Variants in USP10 observed in about 807,000 individuals in gnomAD.
USP10 encodes the protein ubiquitin carboxyl-terminal hydrolase 10.
In USP10, 22 loss-of-function variants were observed where a neutral mutation model predicts 84.5. That is an observed-to-expected ratio of 0.26 (90% CI 0.19 to 0.37). USP10 has a LOEUF of 0.37. Ranked by LOEUF, USP10 falls within the 10% of genes least tolerant of loss-of-function variation. The pLI, the probability that USP10 is intolerant of heterozygous loss-of-function variation, is 1.00. For synonymous variants in USP10, 454 were observed against 387.6 expected, an observed-to-expected ratio of 1.17 and a Z score of -2.01; for missense variants, 1,019 against 998.9, an observed-to-expected ratio of 1.02 and a Z score of -0.27.
intron 11 of USP10, among the ~76,000 whole-genome samples, chr16:84,771,364 T>C (rs1458886651): frequency 6.6e-6 from 1 of 151,936 alleles, no homozygotes; most frequent in East Asian, 1.9e-4. Context: ...CCAGCTGGGC[T>C]CATGGCTGTA....
chr16:84,700,024 A>C lies in USP10; in HGVS notation c.-67A>C. On this transcript the variant is annotated 5_prime_UTR_variant, in exon 1 of 14. The change abolishes an upstream ATG in the 5' untranslated region. Transcript: ENST00000219473. ...CGAGTGTGTATGTGCGGGCGAGAAGATGGCGGCGGCGGGGGAAGCAGCGTG... is the reference window on the plus strand; with the variant it reads ...CGAGTGTGTATGTGCGGGCGAGAAGCTGGCGGCGGCGGGGGAAGCAGCGTG... The C allele has an allele frequency of 1.5e-6, 2 of 1,326,184 alleles. No individual in the cohort carries two copies. The highest frequency in any genetic ancestry group is 2.0e-6 in the Non-Finnish European group (2 of 1,012,816). The allele number at this position is 1,326,184 out of a possible 1,614,324, so 82.2% of individuals were successfully genotyped here.
chr16:84,774,837 G>GT (rs907685259), intron 12 of USP10, among the ~76,000 whole-genome samples: 1 of 152,148 alleles, frequency 6.6e-6, no homozygotes, highest in African/African-American at 2.4e-5. Context: ...TTTCACAACT[G>GT]TTTTTGTTTT....
At chr16:84,725,496 G>C (rs1210991291) in intron 1 of USP10, among the ~76,000 whole-genome samples, 4 of 152,130 alleles carry the variant, frequency 2.6e-5, no homozygotes, top group Non-Finnish European at 5.9e-5. Context: ...TGCCTGCTGG[G>C]TTCAAGCAAT....
At chr16:84,726,268 G>A (rs1300808541) in intron 1 of USP10, among the ~76,000 whole-genome samples, 2 of 152,254 alleles carry the variant, frequency 1.3e-5, no homozygotes, top group African/African-American at 4.8e-5. Flanking sequence ...CGAAAGTGGC[G>A]TTTCCCGCAG....
chr16:84,701,714 A>C (rs1033412468), intron 1 of USP10, among the ~76,000 whole-genome samples: 8 of 152,196 alleles, frequency 5.3e-5, no homozygotes, highest in Non-Finnish European at 1.2e-4. Flanking sequence ...ATGTAAACTT[A>C]ATTGTAATTT....
intron 10 of USP10, 48 bp downstream of exon 10, chr16:84,764,311 T>C: frequency 4.3e-6 from 7 of 1,612,546 alleles, no homozygotes; most frequent in Middle Eastern, 1.7e-4. Context: ...TCTAGGGTTT[T>C]GCCATGTTGG....
At chr16:84,734,177 G>GT (rs1284916166) in intron 2 of USP10, among the ~76,000 whole-genome samples, 2 of 151,988 alleles carry the variant, frequency 1.3e-5, no homozygotes, top group Admixed American at 6.6e-5. Context: ...AGCCTCTTTA[G>GT]TTTCACTAGA....
At chr16:84,746,676 T>C (rs1213765377) in intron 4 of USP10, among the ~76,000 whole-genome samples, 1 of 152,198 alleles carries the variant, frequency 6.6e-6, no homozygotes, top group Non-Finnish European at 1.5e-5. Flanking sequence ...TGATGAGTGC[T>C]GAGTGAATGT....
intron 11 of USP10, among the ~76,000 whole-genome samples, chr16:84,768,566 A>G (rs11149681): frequency 0.64 from 96,796 of 152,070 alleles, 31,244 homozygotes; most frequent in Non-Finnish European, 0.7. Context: ...ATCATATTAC[A>G]CAAGGTAATG....
At chr16:84,720,340 T>C (rs1907617901) in intron 1 of USP10, among the ~76,000 whole-genome samples, 1 of 152,216 alleles carries the variant, frequency 6.6e-6, no homozygotes, top group Admixed American at 6.5e-5. Flanking sequence ...AGATGGCACT[T>C]ACAAGTTTCT....
intron 3 of USP10, among the ~76,000 whole-genome samples, chr16:84,743,622 C>A (rs1374886423): frequency 6.6e-6 from 1 of 152,084 alleles, no homozygotes; most frequent in Non-Finnish European, 1.5e-5. Context: ...AAATATAAGG[C>A]ATGTGTCCTT....
chr16:84,761,389 T>G (rs1298227424), intron 8 of USP10, among the ~76,000 whole-genome samples: 1 of 152,208 alleles, frequency 6.6e-6, no homozygotes, highest in African/African-American at 2.4e-5. Context: ...GGTTGGGTGA[T>G]TCACTGGAAG....
At chr16:84,703,073 A>T (rs933122915) in intron 1 of USP10, among the ~76,000 whole-genome samples, 1 of 151,732 alleles carries the variant, frequency 6.6e-6, no homozygotes, top group Non-Finnish European at 1.5e-5. Flanking sequence ...CTTATTTCCA[A>T]ATATTAGAAA....
rs536893956 is a variant in USP10 at position 84,775,040 on chromosome 16, T to G, written c.2144-120T>G. The G allele has an allele frequency of 6.1e-5, 52 of 848,094 alleles. No individual in the cohort carries two copies. In the South Asian group the frequency reaches 6.4e-4, roughly 10 times the overall value. 52.5% of individuals were successfully genotyped at this position (848,094 alleles called of 1,614,324 possible). On this transcript the variant is annotated intron_variant, in intron 12 of 13. Coordinates refer to ENST00000219473, the MANE Select transcript of USP10 (RefSeq NM_005153.3). The stretch of plus-strand genomic sequence containing the variant: ...GTGCAACTGAAGGGATAGAGTGTTG[T>G]TTTGTTCCTGGTCTGACAGGCAGTT...
chr16:84,711,611 T>G (rs113065646), intron 1 of USP10, among the ~76,000 whole-genome samples: 186 of 152,320 alleles, frequency 1.2e-3, no homozygotes, highest in African/African-American at 4.3e-3. Flanking sequence ...CTGTTGCTTC[T>G]TACCTCTTTG....
At chr16:84,734,724 G>A (rs1361311050) in intron 2 of USP10, among the ~76,000 whole-genome samples, 1 of 152,114 alleles carries the variant, frequency 6.6e-6, no homozygotes, top group Non-Finnish European at 1.5e-5. Flanking sequence ...CCATCCTTTA[G>A]ATAACGAAGA....
chr16:84,729,078 G>C (rs986976071), intron 1 of USP10, among the ~76,000 whole-genome samples: 3 of 152,206 alleles, frequency 2.0e-5, no homozygotes, highest in South Asian at 2.1e-4. Context: ...GATTACAAGC[G>C]TGAGCCACCG....
At chr16:84,766,996 A>G (rs923806829) in intron 10 of USP10, among the ~76,000 whole-genome samples, 20 of 152,138 alleles carry the variant, frequency 1.3e-4, no homozygotes, top group African/African-American at 4.8e-4. Context: ...CACTGAATCA[A>G]GAGGGCTTCT....
At chr16:84,713,729 A>G (rs1041397945) in intron 1 of USP10, among the ~76,000 whole-genome samples, 2 of 152,200 alleles carry the variant, frequency 1.3e-5, no homozygotes, top group African/African-American at 2.4e-5. Flanking sequence ...ATCCAGAATT[A>G]GAGAGACCAT....
Sources: allele counts gnomAD v4.1 joint callset (sites outside exome capture counted in the v4.1 genomes callset), GRCh38; gene constraint gnomAD v4.1.1; transcripts MANE v1.5; gene names NCBI Gene and HGNC (gene_info 2026-07-23, HGNC 2026-07-21).